EPHA6: variants seen among roughly 807,000 people sequenced by gnomAD.
The protein encoded by EPHA6 is EPH receptor A6.
EPHA6 carries 50 observed loss-of-function variants against 112.0 expected under a neutral mutation model. The ratio of observed to expected loss-of-function variants is 0.45; its 90% CI spans 0.36 to 0.56. EPHA6 has a LOEUF of 0.56. Among genes scored for constraint, EPHA6 ranks in the 20% least tolerant of loss-of-function variants. The pLI is 0.00. For missense variants in EPHA6, 1,280 were observed against 1,417.4 expected, an observed-to-expected ratio of 0.90 and a Z score of 1.56; for synonymous variants, 529 against 490.7, an observed-to-expected ratio of 1.08 and a Z score of -1.03.
At chr3:97,098,983 G>T (rs561809314) in intron 3 of EPHA6, among the ~76,000 whole-genome samples, 11 of 151,870 alleles carry the variant, frequency 7.2e-5, no homozygotes, top group Admixed American at 2.0e-4. Context: ...ATGCAATTAA[G>T]CATGTAACAG....
chr3:97,032,161 G>A lies in EPHA6; in HGVS notation c.1114+44168G>A, dbSNP rs1381784038. Among the ~76,000 whole-genome samples the A allele has an allele frequency of 2.6e-5, 4 of 152,190 alleles. No homozygotes were observed. The East Asian group carries it at 5.8e-4, about 22-fold the overall frequency. Reference sequence around the variant, plus strand: ...TGTCCTTTGTAGGAACATGGATGAAGCTGGAAACCATCATTCTCAGAAAAC... The same window carrying A: ...TGTCCTTTGTAGGAACATGGATGAAACTGGAAACCATCATTCTCAGAAAAC... On this transcript the variant is annotated intron_variant, in intron 3 of 17. Transcript: ENST00000389672.
At chr3:97,646,167 G>C in intron 14 of EPHA6, 3 of 1,535,564 alleles carry the variant, frequency 2.0e-6, no homozygotes, top group Non-Finnish European at 2.6e-6. Flanking sequence ...TAAAGAAGAT[G>C]GTCTGGAAAG....
At chr3:97,063,097 C>T (rs1193176304) in intron 3 of EPHA6, among the ~76,000 whole-genome samples, 4 of 152,024 alleles carry the variant, frequency 2.6e-5, no homozygotes, top group Non-Finnish European at 4.4e-5. Flanking sequence ...TATACACTGT[C>T]GGTGGGAGTA....
At chr3:96,889,115 T>C (rs996442332) in intron 2 of EPHA6, among the ~76,000 whole-genome samples, 2 of 152,172 alleles carry the variant, frequency 1.3e-5, no homozygotes, top group African/African-American at 4.8e-5. Flanking sequence ...CTCATTTGCA[T>C]CTGAGACCAT....
chr3:96,944,199 A>T (rs956231394), intron 2 of EPHA6, among the ~76,000 whole-genome samples: 1 of 152,222 alleles, frequency 6.6e-6, no homozygotes, highest in Non-Finnish European at 1.5e-5. Flanking sequence ...CAGATCATTT[A>T]TAACACTCAC....
At chr3:97,445,908 G>A (rs546547947) in intron 6 of EPHA6, among the ~76,000 whole-genome samples, 2 of 152,232 alleles carry the variant, frequency 1.3e-5, no homozygotes, top group Non-Finnish European at 2.9e-5. Flanking sequence ...CATACAGCTA[G>A]CAATGCCATC....
intron 3 of EPHA6, among the ~76,000 whole-genome samples, chr3:97,140,483 C>T (rs754265131): frequency 6.6e-5 from 10 of 152,186 alleles, no homozygotes; most frequent in Non-Finnish European, 1.2e-4. Flanking sequence ...TAACAGCAGA[C>T]GTCTCAGGAG....
chr3:96,917,147 G>A (rs1348554846), intron 2 of EPHA6, among the ~76,000 whole-genome samples: 1 of 152,022 alleles, frequency 6.6e-6, no homozygotes, highest in East Asian at 1.9e-4. Context: ...TTGGCCGGGT[G>A]TGGTGGCTCG....
chr3:97,047,406 A>G (rs1330672633), intron 3 of EPHA6, among the ~76,000 whole-genome samples: 1 of 149,388 alleles, frequency 6.7e-6, no homozygotes, highest in East Asian at 2.1e-4. Flanking sequence ...AGGCTGAGGC[A>G]GGATAATGGC....
At chr3:97,376,823 G>A (rs765993951) in intron 5 of EPHA6, among the ~76,000 whole-genome samples, 10 of 152,182 alleles carry the variant, frequency 6.6e-5, no homozygotes, top group African/African-American at 9.7e-5. Flanking sequence ...CAGAAAGTAA[G>A]TAATAGTTCA....
At chr3:96,918,104 A>G (rs1225182404) in intron 2 of EPHA6, among the ~76,000 whole-genome samples, 2 of 152,148 alleles carry the variant, frequency 1.3e-5, no homozygotes, top group Non-Finnish European at 2.9e-5. Context: ...ATCATGATGA[A>G]CTAAATTATT....
intron 2 of EPHA6, among the ~76,000 whole-genome samples, chr3:96,875,111 C>A (rs1362696895): frequency 6.6e-6 from 1 of 151,970 alleles, no homozygotes; most frequent in African/African-American, 2.4e-5. Context: ...ATTGTAAATA[C>A]AGATTGTACT....
At chr3:97,129,533 CA>C (rs965122807) in intron 3 of EPHA6, among the ~76,000 whole-genome samples, 7 of 150,506 alleles carry the variant, frequency 4.7e-5, no homozygotes, top group African/African-American at 7.3e-5. Flanking sequence ...AAAAAAACAA[CA>C]AAAAAAAGTA....
chr3:97,248,637 T>TA (rs1358883268), intron 5 of EPHA6, among the ~76,000 whole-genome samples: 1 of 152,064 alleles, frequency 6.6e-6, no homozygotes. Flanking sequence ...ATTGGTATCT[T>TA]AAAAAATACA....
chr3:97,688,900 A>G (rs531825500), intron 14 of EPHA6, among the ~76,000 whole-genome samples: 1 of 152,274 alleles, frequency 6.6e-6, no homozygotes, highest in Non-Finnish European at 1.5e-5. Flanking sequence ...TATACCCCCA[A>G]TCCTTTTAAA....
At chr3:97,539,681 C>A (rs2092821255) in intron 11 of EPHA6, among the ~76,000 whole-genome samples, 1 of 152,164 alleles carries the variant, frequency 6.6e-6, no homozygotes, top group Non-Finnish European at 1.5e-5. Flanking sequence ...GACAATGGCC[C>A]AGGCTGATCC....
At chr3:96,905,945 G>C (rs1320294175) in intron 2 of EPHA6, among the ~76,000 whole-genome samples, 1 of 151,974 alleles carries the variant, frequency 6.6e-6, no homozygotes, top group Non-Finnish European at 1.5e-5. Context: ...GTATGTGCAT[G>C]TGCTCATGTG....
intron 1 of EPHA6, among the ~76,000 whole-genome samples, chr3:96,840,058 A>C (rs1342853874): frequency 2.0e-5 from 3 of 152,100 alleles, no homozygotes; most frequent in Non-Finnish European, 4.4e-5. Context: ...TCAGAGGAAC[A>C]TGTGCTGGCT....
intron 12 of EPHA6, among the ~76,000 whole-genome samples, chr3:97,610,179 C>T (rs1183720228): frequency 1.3e-5 from 2 of 151,558 alleles, no homozygotes; most frequent in Admixed American, 6.6e-5. Flanking sequence ...TTGATTAAAT[C>T]TATGTCCAAT....
Sources: allele counts gnomAD v4.1 joint callset (sites outside exome capture counted in the v4.1 genomes callset), GRCh38; gene constraint gnomAD v4.1.1; transcripts MANE v1.5; gene names NCBI Gene and HGNC (gene_info 2026-07-23, HGNC 2026-07-21).